The following KIF13B variants were observed in gnomAD, a reference collection of about 807,000 sequenced individuals.
KIF13B encodes kinesin family member 13B.
A neutral mutation model predicts 222.0 loss-of-function variants in KIF13B; 127 were observed. The observed-to-expected ratio is 0.57, with a 90% confidence interval of 0.50 to 0.66. The LOEUF (loss-of-function observed/expected upper bound fraction) is 0.66. Ranked by LOEUF, KIF13B falls within the 30% of genes least tolerant of loss-of-function variation. The pLI, the probability that KIF13B is intolerant of heterozygous loss-of-function variation, is 0.00. For missense variants in KIF13B, 2,173 were observed against 2,379.0 expected, an observed-to-expected ratio of 0.91 and a Z score of 1.80; for synonymous variants, 976 against 919.0, an observed-to-expected ratio of 1.06 and a Z score of -1.12.
chr8:29,230,548 G>T (rs527812700), intron 2 of KIF13B, among the ~76,000 whole-genome samples: 2 of 152,178 alleles, frequency 1.3e-5, no homozygotes, highest in African/African-American at 4.8e-5. Context: ...GCGAGAGGAC[G>T]TCTTAGTGTG....
At chr8:29,112,599 C>T (rs1475645194) in intron 32 of KIF13B, among the ~76,000 whole-genome samples, 4 of 152,136 alleles carry the variant, frequency 2.6e-5, no homozygotes, top group Admixed American at 2.6e-4. Context: ...GTCTCACACC[C>T]CCACTTCTCC....
At chr8:29,125,002 A>G (rs1810044646) in intron 26 of KIF13B, among the ~76,000 whole-genome samples, 2 of 152,188 alleles carry the variant, frequency 1.3e-5, no homozygotes, top group Admixed American at 6.5e-5. Flanking sequence ...ATGAGCCAAG[A>G]TCACTCCACT....
intron 37 of KIF13B, among the ~76,000 whole-genome samples, chr8:29,088,603 T>C (rs6558093): frequency 0.46 from 69,218 of 151,962 alleles, 17,252 homozygotes; most frequent in Non-Finnish European, 0.57. Context: ...ACAAATCTGA[T>C]TTTCAAGTGC....
intron 35 of KIF13B, among the ~76,000 whole-genome samples, chr8:29,099,597 C>T (rs980408511): frequency 6.6e-6 from 1 of 152,162 alleles, no homozygotes; most frequent in Non-Finnish European, 1.5e-5. Flanking sequence ...TACTCAAACT[C>T]CCAGCATCAA....
chr8:29,220,035 G>C (rs953478903), intron 2 of KIF13B, among the ~76,000 whole-genome samples: 2 of 152,186 alleles, frequency 1.3e-5, no homozygotes, highest in East Asian at 3.8e-4. Flanking sequence ...CTGCACTCCA[G>C]CCTGGGCAAC....
intron 1 of KIF13B, among the ~76,000 whole-genome samples, chr8:29,250,819 C>T (rs936627855): frequency 2.6e-5 from 4 of 152,120 alleles, no homozygotes; most frequent in African/African-American, 4.8e-5. Context: ...AAACACATTT[C>T]GATATAAAAT....
In KIF13B at chr8:29,248,790, C is replaced by T. The variant is rs532652181; in HGVS notation, c.56-3351G>A. Among the ~76,000 whole-genome samples the T allele has an allele frequency of 3.9e-5, 6 of 152,302 alleles. No individual in the cohort carries two copies. The South Asian group carries it at 1.2e-3, about 32-fold the overall frequency. On this transcript the variant is annotated intron_variant, in intron 1 of 39. Coordinates refer to ENST00000524189, the MANE Select transcript of KIF13B (RefSeq NM_015254.4). ...AGTGAAAAAAGCCAGTCATCAAAAA[C>T]CATACATTGTATGATTCCACTTACT...
In KIF13B at chr8:29,117,023, A is replaced by C; in HGVS notation, c.3661-16T>G. 1.3e-6 allele frequency: 2 copies of C among 1,541,370 alleles called. No individual in the cohort carries two copies. Among genetic ancestry groups the C allele is most frequent in the African/African-American group, 1.4e-5 (1 of 72,338 alleles). ...CTGCTTTCACCTGGAGAGAAGACAG[A>C]GAGGAAACAGGTTTCTCTCTTCTCC... On this transcript the variant is annotated splice_polypyrimidine_tract_variant and intron_variant, in intron 30 of 39. Transcript: ENST00000524189.
chr8:29,143,441 T>C (rs946570195), intron 18 of KIF13B, among the ~76,000 whole-genome samples: 1 of 152,238 alleles, frequency 6.6e-6, no homozygotes, highest in Non-Finnish European at 1.5e-5. Flanking sequence ...ATGATACCAG[T>C]TTCCAAATAT....
At chr8:29,208,913 G>T (rs1038587437) in intron 2 of KIF13B, among the ~76,000 whole-genome samples, 1 of 152,104 alleles carries the variant, frequency 6.6e-6, no homozygotes, top group Non-Finnish European at 1.5e-5. Context: ...AAAGTTTCAC[G>T]TGCCCCTGCC....
intron 35 of KIF13B, among the ~76,000 whole-genome samples, chr8:29,101,850 G>A (rs1008835520): frequency 2.6e-5 from 4 of 152,096 alleles, no homozygotes; most frequent in Admixed American, 1.3e-4. Flanking sequence ...GGTACCACGC[G>A]CTTCCCTCCT....
intron 2 of KIF13B, among the ~76,000 whole-genome samples, chr8:29,198,561 G>A (rs1288533040): frequency 6.6e-6 from 1 of 152,138 alleles, no homozygotes; most frequent in Non-Finnish European, 1.5e-5. Flanking sequence ...GATCTCAAGT[G>A]ATCCGCCCGC....
chr8:29,203,530 A>C (rs1373559532), intron 2 of KIF13B, among the ~76,000 whole-genome samples: 1 of 152,230 alleles, frequency 6.6e-6, no homozygotes, highest in Admixed American at 6.5e-5. Context: ...TGTCCAAAAC[A>C]ATAAAGAAAA....
intron 2 of KIF13B, among the ~76,000 whole-genome samples, chr8:29,198,884 T>C (rs887733628): frequency 2.0e-5 from 3 of 152,094 alleles, no homozygotes; most frequent in Non-Finnish European, 4.4e-5. Flanking sequence ...TGCAGAGGCA[T>C]ACAGAGTGAT....
At chr8:29,213,203 G>A (rs1042850781) in intron 2 of KIF13B, among the ~76,000 whole-genome samples, 7 of 152,142 alleles carry the variant, frequency 4.6e-5, no homozygotes, top group Non-Finnish European at 7.3e-5. Flanking sequence ...GCTGTGCATC[G>A]TGGGGTGTGA....
At position 29,246,326 on chromosome 8, in the gene KIF13B, G is replaced by A. The variant is rs10113338; in HGVS notation, c.56-887C>T. On this transcript the variant is annotated intron_variant, in intron 1 of 39. Coordinates refer to ENST00000524189, the MANE Select transcript of KIF13B (RefSeq NM_015254.4). The stretch of plus-strand genomic sequence containing the variant: ...CAGGAGGCAGAGGTTGCAGTGAGCT[G>A]AGATCGTGCCACTGCACTCCAGCCT... Among the ~76,000 whole-genome samples the A allele has an allele frequency of 4.8e-3, 736 of 151,774 alleles. 4 individuals are homozygous for A. Among genetic ancestry groups the A allele is most frequent in the African/African-American group, 0.017 (695 of 41,388 alleles).
intron 36 of KIF13B, among the ~76,000 whole-genome samples, chr8:29,096,624 A>T (rs1462348822): frequency 1.3e-5 from 2 of 152,052 alleles, no homozygotes; most frequent in Non-Finnish European, 2.9e-5. Flanking sequence ...AACGTCATAA[A>T]GTGAGGTTTG....
chr8:29,091,867 T>C (rs1261051665), intron 37 of KIF13B, among the ~76,000 whole-genome samples: 3 of 152,248 alleles, frequency 2.0e-5, no homozygotes, highest in Admixed American at 2.0e-4. Context: ...TATGCTTATT[T>C]ATATGCTTAT....
chr8:29,233,847 T>A (rs1439361745), intron 2 of KIF13B, among the ~76,000 whole-genome samples: 1 of 152,190 alleles, frequency 6.6e-6, no homozygotes, highest in East Asian at 1.9e-4. Context: ...GAGTGAGACT[T>A]TGTCTCTGAA....
Sources: allele counts gnomAD v4.1 joint callset (sites outside exome capture counted in the v4.1 genomes callset), GRCh38; gene constraint gnomAD v4.1.1; transcripts MANE v1.5; gene names NCBI Gene and HGNC (gene_info 2026-07-23, HGNC 2026-07-21).